The following PACRG variants were observed in gnomAD, a reference collection of about 807,000 sequenced individuals.
The protein encoded by PACRG is parkin coregulated gene protein.
A neutral mutation model predicts 29.7 loss-of-function variants in PACRG; 29 were observed. That is an observed-to-expected ratio of 0.98 (90% CI 0.73 to 1.33). The LOEUF (loss-of-function observed/expected upper bound fraction) is 1.33, where lower values mean the gene tolerates loss of function less well. PACRG is among the 40% of genes most tolerant of loss of function. PACRG has a pLI of 0.00. For synonymous variants in PACRG, 116 were observed against 118.7 expected (o/e 0.98, Z 0.15); for missense variants, 279 against 316.2 (o/e 0.88, Z 0.89).
At chr6:162,962,055 T>C (rs920293242) in intron 2 of PACRG, among the ~76,000 whole-genome samples, 1 of 152,220 alleles carries the variant, frequency 6.6e-6, no homozygotes, top group African/African-American at 2.4e-5. Flanking sequence ...GTGTGTGTGA[T>C]GAAAACCAGC....
At chr6:163,155,149 C>A (rs376809767) in intron 4 of PACRG, among the ~76,000 whole-genome samples, 1 of 152,196 alleles carries the variant, frequency 6.6e-6, no homozygotes, top group Non-Finnish European at 1.5e-5. Context: ...GCTTTCCTAA[C>A]GTGACTGGGT....
At chr6:163,159,884 C>T (rs1054575705) in intron 4 of PACRG, among the ~76,000 whole-genome samples, 13 of 152,122 alleles carry the variant, frequency 8.5e-5, no homozygotes, top group African/African-American at 2.2e-4. Flanking sequence ...ATCCTCATTC[C>T]GCCTCCACCC....
At chr6:162,937,185 T>C (rs543300754) in intron 2 of PACRG, among the ~76,000 whole-genome samples, 19 of 152,324 alleles carry the variant, frequency 1.2e-4, no homozygotes, top group Middle Eastern at 3.4e-3. Flanking sequence ...TCAATAGAAA[T>C]ATAATATGAA....
chr6:162,953,380 CT>C (rs1214109426), intron 2 of PACRG, among the ~76,000 whole-genome samples: 2 of 152,112 alleles, frequency 1.3e-5, no homozygotes, highest in African/African-American at 4.8e-5. Context: ...TAGAAAACTT[CT>C]TTTAATGTAT....
chr6:163,280,503 A>G (rs1196001351), intron 4 of PACRG, among the ~76,000 whole-genome samples: 1 of 152,184 alleles, frequency 6.6e-6, no homozygotes, highest in Non-Finnish European at 1.5e-5. Context: ...TTCACTCTAA[A>G]TGAGAAGATC....
rs1459632956 is a variant in PACRG, at chr6:163,055,103, A to G, written c.292-7047A>G. On this transcript the variant is annotated intron_variant, in intron 2 of 4. Transcript: ENST00000366888. The surrounding 1 kb of genome is among the most constrained non-coding windows in gnomAD (Gnocchi z 4.0). ...CAGTGAAATGGTGAGGGAGTGGGTT[A>G]AAGAGGGAACGGGAATGAGGAAGCA... Among the ~76,000 whole-genome samples the G allele has an allele frequency of 6.6e-6, 1 of 152,170 alleles. No homozygotes were observed. The highest frequency in any genetic ancestry group is 2.4e-5 in the African/African-American group (1 of 41,432).
chr6:163,158,000 GA>G (rs985697800), intron 4 of PACRG, among the ~76,000 whole-genome samples: 1 of 152,178 alleles, frequency 6.6e-6, no homozygotes, highest in African/African-American at 2.4e-5. Context: ...TTCTTGGAAA[GA>G]AATGGAAAAC....
intron 4 of PACRG, among the ~76,000 whole-genome samples, chr6:163,304,257 C>T (rs1785115341): frequency 6.6e-6 from 1 of 152,024 alleles, no homozygotes; most frequent in South Asian, 2.1e-4. Flanking sequence ...TAACAACTCA[C>T]AAATATGTAA....
intron 2 of PACRG, among the ~76,000 whole-genome samples, chr6:162,914,140 C>T (rs1160580847): frequency 6.6e-6 from 1 of 151,976 alleles, no homozygotes; most frequent in Non-Finnish European, 1.5e-5. Context: ...AAATGTTTGC[C>T]TCCTCCAAGA....
At chr6:162,995,440 G>A (rs373474708) in intron 2 of PACRG, among the ~76,000 whole-genome samples, 3 of 152,130 alleles carry the variant, frequency 2.0e-5, no homozygotes, top group Admixed American at 1.3e-4. Context: ...ATATAGTCTC[G>A]TGGTGCGCCG....
chr6:162,805,932 A>C (rs1197648819), intron 1 of PACRG, among the ~76,000 whole-genome samples: 1 of 152,170 alleles, frequency 6.6e-6, no homozygotes, highest in African/African-American at 2.4e-5. Context: ...GATTGGAATC[A>C]TCCTTCCTTT....
intron 1 of PACRG, among the ~76,000 whole-genome samples, chr6:162,760,820 G>A (rs983933153): frequency 9.9e-5 from 15 of 152,114 alleles, no homozygotes; most frequent in East Asian, 3.9e-4. Flanking sequence ...CAGATACTCC[G>A]CCCAGAGTAT....
intron 2 of PACRG, among the ~76,000 whole-genome samples, chr6:163,032,832 C>A (rs1018855698): frequency 1.3e-5 from 2 of 152,102 alleles, no homozygotes; most frequent in Admixed American, 6.6e-5. Flanking sequence ...AGGTAAGATT[C>A]TTATAAACCT....
intron 4 of PACRG, among the ~76,000 whole-genome samples, chr6:163,176,504 A>G (rs761621): frequency 6.6e-6 from 1 of 152,048 alleles, no homozygotes; most frequent in Non-Finnish European, 1.5e-5. Flanking sequence ...ATTTATTGAA[A>G]CCTACCAGGC....
At chr6:162,727,367 G>A, upstream of PACRG, 1 of 425,048 alleles carries the variant, frequency 2.4e-6, no homozygotes, top group Non-Finnish European at 4.1e-6. Context: ...CGGTCCGGGG[G>A]ACCGCGAACG....
chr6:163,229,456 G>T (rs981562400), intron 4 of PACRG, among the ~76,000 whole-genome samples: 5 of 152,200 alleles, frequency 3.3e-5, no homozygotes, highest in Non-Finnish European at 7.3e-5. Context: ...CACTCAGATT[G>T]CATCTGATCT....
At chr6:163,307,320 A>G (rs909837242) in intron 4 of PACRG, among the ~76,000 whole-genome samples, 6 of 152,216 alleles carry the variant, frequency 3.9e-5, no homozygotes, top group Admixed American at 2.0e-4. Context: ...TCAAGAAGAG[A>G]GAAAGAGAAC....
intron 3 of PACRG, among the ~76,000 whole-genome samples, chr6:163,075,547 A>G (rs561962420): frequency 1.3e-5 from 2 of 152,346 alleles, no homozygotes; most frequent in South Asian, 4.1e-4. Context: ...AAAAAATGAT[A>G]ATACCTCATG....
At chr6:163,212,007 G>T (rs1341563654) in intron 4 of PACRG, among the ~76,000 whole-genome samples, 1 of 152,124 alleles carries the variant, frequency 6.6e-6, no homozygotes, top group East Asian at 1.9e-4. Flanking sequence ...CACTGCCAAT[G>T]GCCCTGCAAG....
Sources: gnomAD v4.1 joint callset for allele counts (sites outside exome capture counted in the v4.1 genomes callset) on GRCh38, gnomAD v4.1.1 for gene constraint, Gnocchi (gnomAD v3.1) non-coding constraint, MANE v1.5 for transcripts, NCBI Gene and HGNC (gene_info 2026-07-23, HGNC 2026-07-21) for gene names.